The following ITPK1 variants were observed in gnomAD, a reference collection of about 807,000 sequenced individuals.
ITPK1 encodes inositol-tetrakisphosphate 1-kinase.
In ITPK1, 21 loss-of-function variants were observed where a neutral mutation model predicts 45.3. The ratio of observed to expected loss-of-function variants is 0.46; its 90% CI spans 0.33 to 0.67. The LOEUF is 0.67. Among genes scored for constraint, ITPK1 ranks in the 30% least tolerant of loss-of-function variants. ITPK1 has a pLI of 0.02. For missense variants in ITPK1, 474 were observed against 573.5 expected (o/e 0.83, Z 1.77); for synonymous variants, 258 against 253.6 (o/e 1.02, Z -0.16).
At chr14:93,078,931 T>G (rs1331829588) in intron 2 of ITPK1, among the ~76,000 whole-genome samples, 1 of 151,496 alleles carries the variant, frequency 6.6e-6, no homozygotes, top group Non-Finnish European at 1.5e-5. Flanking sequence ...TCACCGAGAC[T>G]GTGAACCGCA....
intron 2 of ITPK1, among the ~76,000 whole-genome samples, chr14:93,107,728 C>T (rs1892581639): frequency 6.6e-6 from 1 of 152,184 alleles, no homozygotes; most frequent in Admixed American, 6.5e-5. Context: ...GGATCTCTGA[C>T]ACGAATCTCA....
Position 92,938,587 on chromosome 14 carries a change from C to G in ITPK1, c.*2974G>C. On this transcript the variant is annotated 3_prime_UTR_variant, in exon 11 of 11. Coordinates refer to ENST00000267615, the MANE Select transcript of ITPK1 (RefSeq NM_014216.6). ...TTCTCCTTTATTGACAGGCATGAGA[C>G]ACAGGCAGGCCCAGGCACAGGAAGC... The G allele has an allele frequency of 7.2e-7, 1 of 1,380,094 alleles. No individual in the cohort carries two copies. Among genetic ancestry groups the G allele is most frequent in the Non-Finnish European group, 1.0e-6 (1 of 971,840 alleles). The allele number at this position is 1,380,094 out of a possible 1,614,324, so 85.5% of individuals were successfully genotyped here. A position where few individuals can be genotyped will look rare whatever the true frequency, so the allele number is the denominator to read the frequency against.
intron 3 of ITPK1, among the ~76,000 whole-genome samples, chr14:93,038,780 G>T (rs1192199022): frequency 1.3e-5 from 2 of 152,220 alleles, no homozygotes; most frequent in Non-Finnish European, 2.9e-5. Context: ...ACCCGTTTCG[G>T]CCTCCCAAAG....
At chr14:93,011,705 G>T (rs886246214) in intron 4 of ITPK1, among the ~76,000 whole-genome samples, 1 of 152,120 alleles carries the variant, frequency 6.6e-6, no homozygotes, top group Non-Finnish European at 1.5e-5. Context: ...GCTGAGGATG[G>T]GCACAACACT....
Position 92,968,058 on chromosome 14 carries a change from G to A in ITPK1, c.365-5209C>T, listed in dbSNP as rs145964383. 2.1e-3 allele frequency among the ~76,000 whole-genome samples: 327 copies of A among 152,268 alleles called. 3 individuals are homozygous for A. The highest frequency in any genetic ancestry group is 7.6e-3 in the African/African-American group (315 of 41,562). ...AAAAAAGGTAAATTTGGCTGGGCAT[G>A]GTGGCTCACAACTGTAATCCCAGCA... is the stretch of plus-strand genomic sequence containing the variant. On this transcript the variant is annotated intron_variant, in intron 5 of 10. Coordinates refer to ENST00000267615, the MANE Select transcript of ITPK1 (RefSeq NM_014216.6).
rs556285518 is a variant in ITPK1 at position 92,937,690 on chromosome 14, G to A, written c.*3871C>T. 1 of 152,674 alleles carries A rather than the reference G, an allele frequency of 6.5e-6. No homozygotes were observed. Among genetic ancestry groups the A allele is most frequent in the South Asian group, 2.1e-4 (1 of 4,830 alleles). The allele number at this position is 152,674 out of a possible 1,614,324, so 9.5% of individuals were successfully genotyped here. Reference sequence around the variant, plus strand: ...GGGGAGGACCCATGGGAGAAGCCTCGCCTGTATCACCTGAGTCAGGCTTAT... The same window carrying A: ...GGGGAGGACCCATGGGAGAAGCCTCACCTGTATCACCTGAGTCAGGCTTAT... On this transcript the variant is annotated 3_prime_UTR_variant, in exon 11 of 11. Transcript: ENST00000267615.
At chr14:92,975,888 G>A (rs1885914879) in intron 5 of ITPK1, among the ~76,000 whole-genome samples, 1 of 152,120 alleles carries the variant, frequency 6.6e-6, no homozygotes, top group Admixed American at 6.5e-5. Flanking sequence ...ATTGAATCAT[G>A]GAGGCGGTTA....
At chr14:92,960,052 G>A (rs1335715349) in intron 7 of ITPK1, among the ~76,000 whole-genome samples, 2 of 152,248 alleles carry the variant, frequency 1.3e-5, no homozygotes, top group Admixed American at 1.3e-4. Flanking sequence ...CTGGTGGACA[G>A]TGTCCACCCC....
chr14:92,947,328 T>C (rs922296254), intron 9 of ITPK1, among the ~76,000 whole-genome samples: 9 of 152,172 alleles, frequency 5.9e-5, no homozygotes, highest in African/African-American at 1.9e-4. Context: ...CCTGCTCTGT[T>C]CTCCCTCCCA....
intron 3 of ITPK1, among the ~76,000 whole-genome samples, chr14:93,065,929 G>A (rs1053737256): frequency 6.6e-6 from 1 of 152,144 alleles, no homozygotes; most frequent in African/African-American, 2.4e-5. Context: ...AAATGCAAGT[G>A]GCAAAACTAG....
At chr14:93,042,248 C>T (rs903744056) in intron 3 of ITPK1, among the ~76,000 whole-genome samples, 13 of 152,294 alleles carry the variant, frequency 8.5e-5, no homozygotes, top group Admixed American at 7.2e-4. Context: ...TTCTCTACTC[C>T]GCCACCCTGC....
At chr14:93,021,971 A>C (rs1054183518) in intron 3 of ITPK1, among the ~76,000 whole-genome samples, 3 of 152,240 alleles carry the variant, frequency 2.0e-5, no homozygotes, top group African/African-American at 7.2e-5. Flanking sequence ...AAGAGTGGGT[A>C]ACTTTTCTCC....
intron 3 of ITPK1, among the ~76,000 whole-genome samples, chr14:93,017,797 A>G (rs1234178321): frequency 6.6e-6 from 1 of 152,176 alleles, no homozygotes; most frequent in Non-Finnish European, 1.5e-5. Context: ...AAATGTTACG[A>G]AAGACATCAT....
intron 4 of ITPK1, among the ~76,000 whole-genome samples, chr14:92,997,916 G>A (rs2139817417): frequency 6.6e-6 from 1 of 152,310 alleles, no homozygotes; most frequent in East Asian, 1.9e-4. Flanking sequence ...AGAGACAACT[G>A]GCCCTTTGCT....
At chr14:93,057,582 G>A (rs369555761) in intron 3 of ITPK1, among the ~76,000 whole-genome samples, 1 of 152,218 alleles carries the variant, frequency 6.6e-6, no homozygotes, top group Non-Finnish European at 1.5e-5. Flanking sequence ...TTCTAGCCCC[G>A]TTTTCTGAAG....
At chr14:92,942,984 G>T (rs923811329) in intron 10 of ITPK1, among the ~76,000 whole-genome samples, 1 of 152,250 alleles carries the variant, frequency 6.6e-6, no homozygotes, top group Non-Finnish European at 1.5e-5. Context: ...GTGCCCAGGG[G>T]CCTGGAAGAT....
At chr14:93,064,764 G>T (rs2983313) in intron 3 of ITPK1, among the ~76,000 whole-genome samples, 1 of 152,202 alleles carries the variant, frequency 6.6e-6, no homozygotes, top group Non-Finnish European at 1.5e-5. Flanking sequence ...TCCCTGAAAG[G>T]GCTGTCTCTG....
At chr14:93,019,316 AG>A (rs1464259286) in intron 3 of ITPK1, among the ~76,000 whole-genome samples, 1 of 152,176 alleles carries the variant, frequency 6.6e-6, no homozygotes, top group Non-Finnish European at 1.5e-5. Flanking sequence ...GAAGGAGGTG[AG>A]CAGAGGGGAC....
intron 9 of ITPK1, among the ~76,000 whole-genome samples, chr14:92,948,841 C>G (rs1887811997): frequency 6.6e-6 from 1 of 152,034 alleles, no homozygotes; most frequent in Admixed American, 6.5e-5. Flanking sequence ...CACCCACGCT[C>G]CAAGTCCGGG....
Sources: allele counts gnomAD v4.1 joint callset (sites outside exome capture counted in the v4.1 genomes callset), GRCh38; gene constraint gnomAD v4.1.1; transcripts MANE v1.5; gene names NCBI Gene and HGNC (gene_info 2026-07-23, HGNC 2026-07-21).